The following SRP54 variants were observed in gnomAD, a reference collection of about 807,000 sequenced individuals.
The protein encoded by SRP54 is signal recognition particle 54.
A neutral mutation model predicts 64.8 loss-of-function variants in SRP54; 10 were observed. That is an observed-to-expected ratio of 0.15 (90% CI 0.10 to 0.26). The LOEUF (loss-of-function observed/expected upper bound fraction) is 0.26. SRP54 is among the 10% of genes least tolerant of loss of function. SRP54 has a pLI of 1.00. For synonymous variants in SRP54, 193 were observed against 185.6 expected, an observed-to-expected ratio of 1.04 and a Z score of -0.32; for missense variants, 325 against 613.7, an observed-to-expected ratio of 0.53 and a Z score of 4.97.
chr14:35,011,727 T>C (rs2044360159), intron 8 of SRP54, 68 bp downstream of exon 8: 1 of 1,313,034 alleles, frequency 7.6e-7, no homozygotes, highest in Non-Finnish European at 1.0e-6. Flanking sequence ...CCAGGTTGAG[T>C]ATATGACCAA....
chr14:35,009,267 A>C (rs994018353), intron 7 of SRP54, among the ~76,000 whole-genome samples: 1 of 151,490 alleles, frequency 6.6e-6, no homozygotes, highest in Non-Finnish European at 1.5e-5. Flanking sequence ...GCTGGTCCCA[A>C]GCTCCTGGGC....
intron 5 of SRP54, 118 bp downstream of exon 5, chr14:35,007,505 TTAATTA>T (rs2044276128): frequency 3.9e-6 from 1 of 256,940 alleles, no homozygotes; most frequent in Admixed American, 5.8e-5. Flanking sequence ...ATATATTTTA[TTAATTA>T]TAATTATTAG....
intron 1 of SRP54, among the ~76,000 whole-genome samples, chr14:34,985,243 A>G (rs1384304939): frequency 1.3e-5 from 2 of 152,156 alleles, no homozygotes; most frequent in Non-Finnish European, 2.9e-5. Context: ...AATGAAATGA[A>G]CATCTATGTA....
intron 7 of SRP54, among the ~76,000 whole-genome samples, chr14:35,009,094 G>T (rs1356919038): frequency 6.6e-6 from 1 of 151,806 alleles, no homozygotes; most frequent in Non-Finnish European, 1.5e-5. Context: ...TACCATGTTG[G>T]CCAGGCTGGT....
intron 2 of SRP54, among the ~76,000 whole-genome samples, 200 bp from the exon 3 acceptor site, chr14:34,999,358 T>G (rs1424178248): frequency 6.6e-6 from 1 of 152,098 alleles, no homozygotes; most frequent in Non-Finnish European, 1.5e-5. Context: ...CAATTAATAC[T>G]TGGGTGTAAA....
chr14:35,003,576 T>G (rs536613450), intron 4 of SRP54, among the ~76,000 whole-genome samples: 154 of 150,434 alleles, frequency 1.0e-3, no homozygotes, highest in African/African-American at 3.3e-3. Flanking sequence ...TTTTTGGTTT[T>G]TTTTTTTTTT....
In SRP54 at chr14:35,013,465, C is replaced by T; in HGVS notation, c.756C>T (p.Gly252=). ...VASVIVTKLD[G]HAKGGGALSA... ...CAGTAATAGTGACAAAACTTGATGG[C>T]CATGCAAAAGGAGGTGGTGCACTCA... is the stretch of plus-strand genomic sequence containing the variant. Residue 252 remains glycine, a synonymous_variant, in exon 9 of 16, where the codon GGC becomes GGT. Coordinates refer to ENST00000216774, the MANE Select transcript of SRP54 (RefSeq NM_003136.4). The T allele has an allele frequency of 6.2e-7, 1 of 1,614,048 alleles. No individual in the cohort carries two copies. Among genetic ancestry groups the T allele is most frequent in the African/African-American group, 1.3e-5 (1 of 75,020 alleles).
intron 13 of SRP54, among the ~76,000 whole-genome samples, chr14:35,022,443 G>A (rs960445045): frequency 1.3e-5 from 2 of 151,690 alleles, no homozygotes; most frequent in Non-Finnish European, 2.9e-5. Context: ...TGCAACCTCT[G>A]CCTCCCAGGT....
chr14:35,003,076 G>C lies in SRP54; in HGVS notation c.255+2056G>C, dbSNP rs377686619. On this transcript the variant is annotated intron_variant, in intron 4 of 15. Transcript: ENST00000216774. ...TTTTTATTGTTAGGGGCTCGTAACT[G>C]TAGGCAATTCTGGAGCATCAAGTGC... 5.3e-5 allele frequency among the ~76,000 whole-genome samples: 8 copies of C among 152,212 alleles called. No individual in the cohort carries two copies. The East Asian group carries it at 7.7e-4, about 15-fold the overall frequency.
intron 4 of SRP54, among the ~76,000 whole-genome samples, chr14:35,001,775 T>G (rs2044177580): frequency 1.3e-5 from 2 of 152,142 alleles, no homozygotes; most frequent in African/African-American, 4.8e-5. Context: ...AAAGTTTTAT[T>G]TTCAAATAGT....
At chr14:34,983,600 A>G (rs1018724958) in intron 1 of SRP54, among the ~76,000 whole-genome samples, 1 of 152,172 alleles carries the variant, frequency 6.6e-6, no homozygotes, top group Non-Finnish European at 1.5e-5. Flanking sequence ...GTAGACGTTC[A>G]ATAAACGAAT....
At chr14:34,989,463 C>CT (rs1459270208) in intron 1 of SRP54, among the ~76,000 whole-genome samples, 1 of 151,388 alleles carries the variant, frequency 6.6e-6, no homozygotes, top group Admixed American at 6.6e-5. Context: ...GAGCAAAACT[C>CT]TGTCTCAAAA....
chr14:34,992,941 C>T (rs1395971334), intron 1 of SRP54, among the ~76,000 whole-genome samples: 1 of 151,990 alleles, frequency 6.6e-6, no homozygotes. Flanking sequence ...CTCATTGCAA[C>T]CTCCACCTCC....
chr14:35,020,004 A>G (rs975614771), intron 13 of SRP54, among the ~76,000 whole-genome samples: 1 of 151,994 alleles, frequency 6.6e-6, no homozygotes, highest in African/African-American at 2.4e-5. Context: ...CTAACATGGT[A>G]AAACCCCGTT....
At chr14:35,014,604 G>A in intron 10 of SRP54, 140 bp from the exon 11 acceptor site, 1 of 634,488 alleles carries the variant, frequency 1.6e-6, no homozygotes, top group Admixed American at 3.1e-5. Context: ...TCTTAGCTTT[G>A]GTTTTCTCAT....
intron 11 of SRP54, among the ~76,000 whole-genome samples, chr14:35,016,585 C>T (rs1454118971): frequency 6.6e-6 from 1 of 152,224 alleles, no homozygotes; most frequent in Non-Finnish European, 1.5e-5. Context: ...AGGGACATTT[C>T]ACCTGAACCC....
chr14:35,018,038 A>G (rs1213744943), intron 11 of SRP54, among the ~76,000 whole-genome samples: 1 of 152,200 alleles, frequency 6.6e-6, no homozygotes, highest in East Asian at 1.9e-4. Context: ...CAAGAGTTTG[A>G]GGCTACCAGT....
intron 14 of SRP54, among the ~76,000 whole-genome samples, chr14:35,027,502 A>G (rs960156942): frequency 1.3e-5 from 2 of 152,322 alleles, no homozygotes; most frequent in East Asian, 3.9e-4. Flanking sequence ...TCACACCTGT[A>G]ATCCCAGCAC....
In SRP54 at chr14:34,995,183, GTGTGT is replaced by G. The variant is rs1363216404; in HGVS notation, c.-33-1493_-33-1489del. On this transcript the variant is annotated intron_variant, in intron 1 of 15. Transcript: ENST00000216774. ...TGTGTGTGTGTGTGTGTGTGTGTGT[GTGTGT>G]AGAGAGAGAGAGGGAGAAATGGATA... Among the ~76,000 whole-genome samples, 417 of 107,962 alleles carry G rather than the reference GTGTGT, an allele frequency of 3.9e-3. 3 individuals are homozygous for G. Among genetic ancestry groups the G allele is most frequent in the African/African-American group, 0.012 (394 of 33,522 alleles). 70.8% of individuals were successfully genotyped at this position (107,962 alleles called of 152,430 possible).
Sources: allele counts gnomAD v4.1 joint callset (sites outside exome capture counted in the v4.1 genomes callset), GRCh38; gene constraint gnomAD v4.1.1; transcripts MANE v1.5; gene names NCBI Gene and HGNC (gene_info 2026-07-23, HGNC 2026-07-21).